The following LYPLA1 variants were observed in gnomAD, a reference collection of about 807,000 sequenced individuals.
LYPLA1 encodes lysophospholipase 1.
LYPLA1 carries 17 observed loss-of-function variants against 34.0 expected under a neutral mutation model. That is an observed-to-expected ratio of 0.50 (90% CI 0.34 to 0.75). The LOEUF is 0.75. LYPLA1 is among the 30% of genes least tolerant of loss of function. The pLI is 0.01. For synonymous variants in LYPLA1, 98 were observed against 100.8 expected (o/e 0.97, Z 0.17); for missense variants, 203 against 288.8 (o/e 0.70, Z 2.15).
Position 54,083,253 on chromosome 8 carries a change from T to C in LYPLA1, c.102-17440A>G, listed in dbSNP as rs1395277484. ...AAGAAATGACTGCTGTGCTCTATAT[T>C]TGAATGTTAACAGGTAGCCCATAAG... is the stretch of plus-strand genomic sequence containing the variant. On this transcript the variant is annotated intron_variant, in intron 2 of 8. Coordinates refer to ENST00000316963, the MANE Select transcript of LYPLA1 (RefSeq NM_006330.4). Among the ~76,000 whole-genome samples the C allele has an allele frequency of 2.0e-5, 3 of 152,270 alleles. No individual in the cohort carries two copies. The South Asian group carries it at 6.2e-4, about 32-fold the overall frequency.
intron 8 of LYPLA1, among the ~76,000 whole-genome samples, chr8:54,048,632 T>C (rs527617786): frequency 1.2e-4 from 18 of 152,316 alleles, no homozygotes; most frequent in African/African-American, 4.1e-4. Context: ...AGATTTATCA[T>C]AGAAGAAACT....
At chr8:54,068,400 T>TAAC (rs1358107960) in intron 2 of LYPLA1, among the ~76,000 whole-genome samples, 1 of 152,064 alleles carries the variant, frequency 6.6e-6, no homozygotes, top group Non-Finnish European at 1.5e-5. Flanking sequence ...AGACCCAGAA[T>TAAC]AACAACAACA....
At chr8:54,063,883 T>A (rs534570478) in intron 3 of LYPLA1, among the ~76,000 whole-genome samples, 3 of 152,324 alleles carry the variant, frequency 2.0e-5, no homozygotes, top group Non-Finnish European at 4.4e-5. Flanking sequence ...TTATAGCCAA[T>A]TCAAGTCTGT....
chr8:54,068,829 T>C (rs1807264047), intron 2 of LYPLA1, among the ~76,000 whole-genome samples: 3 of 152,038 alleles, frequency 2.0e-5, no homozygotes, highest in African/African-American at 7.2e-5. Context: ...AAATTAGAAA[T>C]CATCAAAATT....
chr8:54,051,157 G>A lies in LYPLA1; in HGVS notation c.494C>T (p.Ser165Phe). The A allele has an allele frequency of 6.2e-7, 1 of 1,613,718 alleles. No homozygotes were observed. The highest frequency in any genetic ancestry group is 1.1e-5 in the South Asian group (1 of 91,046). The change falls in exon 8 of 9, where the codon TCT becomes TTT. Residue 165 changes from serine to phenylalanine, a missense_variant. Physicochemically the swap from Ser to Phe is radical, Grantham distance 155. Coordinates refer to ENST00000316963, the MANE Select transcript of LYPLA1 (RefSeq NM_006330.4). ...GPIGGANRDI[S>F]ILQCHGDCDP... ...ACAATCCCCGTGGCACTGGAGAATA[G>A]AAATATCTCTATTAGCACCACCGAT...
intron 2 of LYPLA1, among the ~76,000 whole-genome samples, chr8:54,091,855 C>T (rs1265313991): frequency 1.3e-5 from 2 of 152,018 alleles, no homozygotes; most frequent in African/African-American, 4.8e-5. Flanking sequence ...TTGGGAGGCC[C>T]AGATGGGAAG....
intron 2 of LYPLA1, among the ~76,000 whole-genome samples, chr8:54,069,410 A>G (rs1295709681): frequency 2.6e-5 from 4 of 152,176 alleles, no homozygotes; most frequent in African/African-American, 9.7e-5. Flanking sequence ...AGGAAAAGAA[A>G]AAATACTTTA....
At chr8:54,085,679 G>A (rs1349522682) in intron 2 of LYPLA1, among the ~76,000 whole-genome samples, 11 of 151,750 alleles carry the variant, frequency 7.2e-5, no homozygotes, top group South Asian at 2.1e-4. Context: ...CACCCCGTCC[G>A]GGAGGTGAGG....
chr8:54,101,563 G>A (rs553804975), intron 1 of LYPLA1, 192 bp downstream of exon 1: 6 of 1,148,328 alleles, frequency 5.2e-6, no homozygotes, highest in Non-Finnish European at 6.4e-6. Flanking sequence ...TGGCCCTCGC[G>A]CCGGCTGTGA....
intron 2 of LYPLA1, among the ~76,000 whole-genome samples, chr8:54,084,341 C>T (rs906745354): frequency 6.6e-6 from 1 of 151,482 alleles, no homozygotes; most frequent in Admixed American, 6.6e-5. Context: ...GAAGCTGAGG[C>T]GGGTGGATCG....
At chr8:54,049,773 C>CTTTT (rs1805726212) in intron 8 of LYPLA1, among the ~76,000 whole-genome samples, 1 of 152,062 alleles carries the variant, frequency 6.6e-6, no homozygotes, top group African/African-American at 2.4e-5. Flanking sequence ...TCCTGTTTAC[C>CTTTT]AAAACTTTTT....
At chr8:54,062,373 T>C in intron 4 of LYPLA1, 49 bp from the exon 5 acceptor site, 1 of 1,203,354 alleles carries the variant, frequency 8.3e-7, no homozygotes, top group Non-Finnish European at 1.2e-6. Context: ...TCTATTATTG[T>C]AGTAAGTATA....
chr8:54,093,844 T>C (rs537600772), intron 2 of LYPLA1, among the ~76,000 whole-genome samples: 1 of 152,374 alleles, frequency 6.6e-6, no homozygotes, highest in East Asian at 1.9e-4. Context: ...AATGAAAGTT[T>C]ATTAAAGAAA....
intron 8 of LYPLA1, among the ~76,000 whole-genome samples, chr8:54,050,574 C>T (rs1805776844): frequency 6.6e-6 from 1 of 152,180 alleles, no homozygotes; most frequent in Non-Finnish European, 1.5e-5. Context: ...ATCCAAATCC[C>T]ACCGTTTTTC....
chr8:54,098,405 A>G (rs1013420420), intron 2 of LYPLA1, among the ~76,000 whole-genome samples: 1 of 151,124 alleles, frequency 6.6e-6, no homozygotes, highest in Admixed American at 6.6e-5. Context: ...CAGGCCAGGC[A>G]TGGTGGCTCA....
intron 7 of LYPLA1, among the ~76,000 whole-genome samples, chr8:54,052,319 T>A (rs898704989): frequency 6.6e-6 from 1 of 152,146 alleles, no homozygotes; most frequent in Non-Finnish European, 1.5e-5. Context: ...TAAGGCCTAG[T>A]AATACATCAC....
intron 2 of LYPLA1, among the ~76,000 whole-genome samples, chr8:54,067,266 T>C (rs1807135273): frequency 6.6e-6 from 1 of 152,054 alleles, no homozygotes; most frequent in Non-Finnish European, 1.5e-5. Context: ...GAGGCTGAGG[T>C]AGGAGGACAG....
intron 1 of LYPLA1, chr8:54,101,439 C>T (rs1041532350): frequency 1.8e-6 from 2 of 1,087,848 alleles, no homozygotes; most frequent in Non-Finnish European, 1.1e-6. Context: ...CTTAGGTTTC[C>T]CTCACCCACA....
chr8:54,090,451 A>G (rs1005981546), intron 2 of LYPLA1, among the ~76,000 whole-genome samples: 2 of 152,226 alleles, frequency 1.3e-5, no homozygotes, highest in Non-Finnish European at 2.9e-5. Context: ...TTATCTCTGT[A>G]TACTGTACTT....
Sources: gnomAD v4.1 joint callset for allele counts (sites outside exome capture counted in the v4.1 genomes callset) on GRCh38, gnomAD v4.1.1 for gene constraint, MANE v1.5 for transcripts, NCBI Gene and HGNC (gene_info 2026-07-23, HGNC 2026-07-21) for gene names.